Variants in DLC1 observed in about 807,000 individuals in gnomAD.
DLC1 encodes the protein rho GTPase-activating protein 7.
DLC1 carries 54 observed loss-of-function variants against 140.3 expected under a neutral mutation model. The observed-to-expected ratio is 0.38, with a 90% confidence interval of 0.31 to 0.48. The LOEUF is 0.48. Ranked by LOEUF, DLC1 falls within the 20% of genes least tolerant of loss-of-function variation. The pLI, the probability that DLC1 is intolerant of heterozygous loss-of-function variation, is 0.96. For missense variants in DLC1, 2,536 were observed against 1,907.0 expected (o/e 1.33, Z -6.14); for synonymous variants, 986 against 728.1 (o/e 1.35, Z -5.70).
At chr8:13,132,285 A>G (rs1822169631) in intron 5 of DLC1, among the ~76,000 whole-genome samples, 1 of 151,498 alleles carries the variant, frequency 6.6e-6, no homozygotes, top group South Asian at 2.1e-4. Context: ...GGCTTGCTAA[A>G]CTACCCCAAC....
At chr8:13,399,096 C>G (rs942737508) in intron 3 of DLC1, among the ~76,000 whole-genome samples, 1 of 152,158 alleles carries the variant, frequency 6.6e-6, no homozygotes, top group Non-Finnish European at 1.5e-5. Flanking sequence ...CTGTGTGTGT[C>G]TGAACTTCCC....
intron 4 of DLC1, among the ~76,000 whole-genome samples, chr8:13,375,728 T>C (rs915375673): frequency 7.5e-5 from 7 of 93,108 alleles, no homozygotes; most frequent in Non-Finnish European, 1.5e-4. Flanking sequence ...TATTTTATTT[T>C]ATTTTTATTT....
At position 13,099,938 on chromosome 8, in the gene DLC1, C is replaced by G; in HGVS notation, c.2399G>C (p.Ser800Thr). Reference protein sequence around the residue: ...VVEQNFKNRESYPEDTVFYIP... With the variant: ...VVEQNFKNRETYPEDTVFYIP... ...GTAGAACACCGTGTCCTCTGGGTAG[C>G]TCTCGCGGTTCTTAAAGTTCTGCTC... Residue 800 changes from serine (S) to threonine (T), a missense_variant, in exon 9 of 18, where the codon AGC (serine) becomes ACC (threonine). Physicochemically the swap from Ser to Thr is moderately conservative, Grantham distance 58. Transcript: ENST00000276297. The G allele has an allele frequency of 6.2e-7, 1 of 1,613,616 alleles. No homozygotes were observed. Among genetic ancestry groups the G allele is most frequent in the Non-Finnish European group, 8.5e-7 (1 of 1,180,032 alleles).
chr8:13,495,574 G>T (rs1801462950), intron 2 of DLC1, among the ~76,000 whole-genome samples: 3 of 152,016 alleles, frequency 2.0e-5, no homozygotes, highest in Admixed American at 2.0e-4. Context: ...GGCTTAAAAG[G>T]TCAATATTTG....
chr8:13,110,182 C>G (rs1477094853), intron 7 of DLC1, among the ~76,000 whole-genome samples: 2 of 152,182 alleles, frequency 1.3e-5, no homozygotes, highest in South Asian at 2.1e-4. Context: ...TGCCTCTCAG[C>G]TTGAAGACCC....
intron 1 of DLC1, among the ~76,000 whole-genome samples, chr8:13,549,313 C>A (rs7824831): frequency 0.022 from 3,399 of 152,080 alleles, 127 homozygotes; most frequent in African/African-American, 0.077. Flanking sequence ...AAACTTAATA[C>A]TTTAAAAAAA....
intron 5 of DLC1, among the ~76,000 whole-genome samples, chr8:13,144,146 C>G (rs1251864070): frequency 1.3e-5 from 2 of 152,200 alleles, no homozygotes; most frequent in Non-Finnish European, 1.5e-5. Flanking sequence ...CCAATTTGGA[C>G]AGGCACTGTC....
At chr8:13,428,871 C>T (rs1838730289) in intron 2 of DLC1, among the ~76,000 whole-genome samples, 1 of 152,108 alleles carries the variant, frequency 6.6e-6, no homozygotes, top group African/African-American at 2.4e-5. Flanking sequence ...TATACAGTAA[C>T]CCAATTATAG....
chr8:13,526,620 T>C (rs977918614), intron 1 of DLC1, among the ~76,000 whole-genome samples: 11 of 152,144 alleles, frequency 7.2e-5, no homozygotes, highest in African/African-American at 2.7e-4. Context: ...ATGTCCTTTA[T>C]AGGGACATGG....
At chr8:13,401,157 TCG>T (rs1837277147) in intron 3 of DLC1, among the ~76,000 whole-genome samples, 1 of 152,190 alleles carries the variant, frequency 6.6e-6, no homozygotes, top group Non-Finnish European at 1.5e-5. Context: ...AGAGTCTCTC[TCG>T]TATCAGAGAA....
At chr8:13,347,434 G>A (rs1380159943) in intron 4 of DLC1, among the ~76,000 whole-genome samples, 3 of 152,152 alleles carry the variant, frequency 2.0e-5, no homozygotes, top group Non-Finnish European at 4.4e-5. Flanking sequence ...CAGCAGGGCT[G>A]GACACTCCTT....
chr8:13,534,230 C>G (rs7017917), intron 1 of DLC1, among the ~76,000 whole-genome samples: 144,230 of 152,204 alleles, frequency 0.95, 68,818 homozygotes, highest in East Asian at 1. Flanking sequence ...CAACCCAGTT[C>G]ACTGTACCTC....
At chr8:13,206,614 A>T (rs1315679751) in intron 5 of DLC1, among the ~76,000 whole-genome samples, 3 of 152,186 alleles carry the variant, frequency 2.0e-5, no homozygotes, top group Admixed American at 6.6e-5. Flanking sequence ...AAGTTTATGG[A>T]GATAACATTG....
intron 2 of DLC1, among the ~76,000 whole-genome samples, chr8:13,471,226 A>T (rs527631914): frequency 6.6e-6 from 1 of 152,078 alleles, no homozygotes; most frequent in South Asian, 2.1e-4. Context: ...TGGAGACCTA[A>T]CGTACAGCCG....
chr8:13,288,852 A>C (rs1237507484), intron 5 of DLC1, among the ~76,000 whole-genome samples: 1 of 152,232 alleles, frequency 6.6e-6, no homozygotes, highest in African/African-American at 2.4e-5. Context: ...GCATCAACCC[A>C]GCTTAGGGAT....
intron 5 of DLC1, among the ~76,000 whole-genome samples, chr8:13,267,353 GAGA>G (rs1448585187): frequency 1.3e-5 from 2 of 151,050 alleles, no homozygotes; most frequent in African/African-American, 4.9e-5. Context: ...TTATGTTGGT[GAGA>G]AACCAATAAC....
At chr8:13,268,872 C>CTTTTTT (rs57984324) in intron 5 of DLC1, among the ~76,000 whole-genome samples, 2 of 126,460 alleles carry the variant, frequency 1.6e-5, no homozygotes, top group African/African-American at 3.0e-5. Context: ...TGCTTCCTTC[C>CTTTTTT]TTTTTTTTTT....
At chr8:13,086,559 G>T (rs1817582578) in intron 16 of DLC1, 96 bp from the exon 17 acceptor site, 2 of 1,441,722 alleles carry the variant, frequency 1.4e-6, no homozygotes, top group African/African-American at 1.4e-5. Flanking sequence ...TGTGGTGACG[G>T]GTCAGGCTCA....
chr8:13,512,223 C>T (rs994802916), intron 1 of DLC1, among the ~76,000 whole-genome samples: 2 of 151,870 alleles, frequency 1.3e-5, no homozygotes, highest in African/African-American at 4.8e-5. Context: ...GAAACTCAAT[C>T]TGGTCATGAA....
Sources: allele counts gnomAD v4.1 joint callset (sites outside exome capture counted in the v4.1 genomes callset), GRCh38; gene constraint gnomAD v4.1.1; transcripts MANE v1.5; gene names NCBI Gene and HGNC (gene_info 2026-07-23, HGNC 2026-07-21).